SNX25: variants seen among roughly 807,000 people sequenced by gnomAD.
SNX25 encodes sorting nexin-25.
In SNX25, 62 loss-of-function variants were observed where a neutral mutation model predicts 113.7. That is an observed-to-expected ratio of 0.55 (90% CI 0.44 to 0.67). The LOEUF (loss-of-function observed/expected upper bound fraction) is 0.67, where lower values mean the gene tolerates loss of function less well. Among genes scored for constraint, SNX25 ranks in the 30% least tolerant of loss-of-function variants. The pLI, the probability that SNX25 is intolerant of heterozygous loss-of-function variation, is 0.00. For synonymous variants in SNX25, 421 were observed against 436.2 expected (o/e 0.97, Z 0.43); for missense variants, 1,014 against 1,161.0 (o/e 0.87, Z 1.84).
chr4:185,252,042 G>A (rs990879075), intron 2 of SNX25, among the ~76,000 whole-genome samples: 1 of 151,710 alleles, frequency 6.6e-6, no homozygotes, highest in Non-Finnish European at 1.5e-5. Flanking sequence ...GGTTTTCAGG[G>A]AAAAGCTGCT....
chr4:185,244,788 TA>T (rs927271773), intron 1 of SNX25, among the ~76,000 whole-genome samples: 2 of 151,986 alleles, frequency 1.3e-5, no homozygotes, highest in East Asian at 1.9e-4. Flanking sequence ...CTTAAGGTTT[TA>T]AAAAAAAATT....
At chr4:185,312,151 G>T (rs1260381723) in intron 7 of SNX25, among the ~76,000 whole-genome samples, 1 of 152,042 alleles carries the variant, frequency 6.6e-6, no homozygotes, top group African/African-American at 2.4e-5. Context: ...TTTGTCTTAT[G>T]TCCCATTCAT....
At chr4:185,322,979 G>A (rs1268474045) in intron 8 of SNX25, among the ~76,000 whole-genome samples, 1 of 152,174 alleles carries the variant, frequency 6.6e-6, no homozygotes, top group Non-Finnish European at 1.5e-5. Flanking sequence ...CCAAAGAGAT[G>A]TTTTGCATTT....
intron 9 of SNX25, among the ~76,000 whole-genome samples, chr4:185,327,465 T>A (rs2095164581): frequency 6.6e-6 from 1 of 152,236 alleles, no homozygotes; most frequent in Non-Finnish European, 1.5e-5. Context: ...ACTTTCTCAT[T>A]TGTTGTAAAC....
chr4:185,239,408 A>G (rs374004982), intron 1 of SNX25, among the ~76,000 whole-genome samples: 1,612 of 152,242 alleles, frequency 0.011, 38 homozygotes, highest in Admixed American at 0.048. Context: ...GCTTGAACCC[A>G]GGACGCGGAG....
intron 5 of SNX25, among the ~76,000 whole-genome samples, chr4:185,275,206 A>G (rs1050429767): frequency 3.3e-5 from 5 of 152,188 alleles, no homozygotes; most frequent in African/African-American, 1.2e-4. Context: ...TCGATGTTTC[A>G]GTTCTGGATT....
At chr4:185,217,506 T>A (rs1739063546) in intron 1 of SNX25, among the ~76,000 whole-genome samples, 1 of 152,168 alleles carries the variant, frequency 6.6e-6, no homozygotes, top group Non-Finnish European at 1.5e-5. Flanking sequence ...CCTAGGAAAG[T>A]CTTCCAAGTT....
At chr4:185,283,999 A>G (rs1751005144) in intron 5 of SNX25, among the ~76,000 whole-genome samples, 1 of 152,206 alleles carries the variant, frequency 6.6e-6, no homozygotes, top group African/African-American at 2.4e-5. Context: ...AATTGTTCAG[A>G]ATATTATTTT....
At chr4:185,338,592 A>G (rs950612708) in intron 10 of SNX25, among the ~76,000 whole-genome samples, 1 of 151,998 alleles carries the variant, frequency 6.6e-6, no homozygotes, top group Non-Finnish European at 1.5e-5. Context: ...ACGGCACCCT[A>G]TATTCTGTAA....
chr4:185,339,438 G>A lies in SNX25; in HGVS notation c.1974G>A (p.Gln658=). ...TAGAGAAAGAACGCACAGACCTTCA[G>A]CTGCACATGGCAAGAACGGATTGGT... ...ILIEKERTDL[Q]LHMARTDWWC... Residue 658 remains glutamine, a synonymous_variant, in exon 11 of 19, where the codon CAG becomes CAA. Transcript: ENST00000652585. The A allele has an allele frequency of 6.2e-7, 1 of 1,614,128 alleles. No individual in the cohort carries two copies.
chr4:185,377,882 T>C, the SNX25 span: 5 of 524,422 alleles, frequency 9.5e-6, no homozygotes, highest in South Asian at 1.4e-4. Context: ...GACCTAACTA[T>C]CTGTGAGACC....
chr4:185,239,890 T>A lies in SNX25; in HGVS notation c.430-7404T>A, dbSNP rs568397240. Reference sequence around the variant, plus strand: ...AGATAAGTGAACAAAGGTCTCTGGTTTTCCTAGGCAGAGGACCCTGCGGCC... The same window carrying A: ...AGATAAGTGAACAAAGGTCTCTGGTATTCCTAGGCAGAGGACCCTGCGGCC... On this transcript the variant is annotated intron_variant, in intron 1 of 18. Coordinates refer to ENST00000652585, the MANE Select transcript of SNX25 (RefSeq NM_001378034.2). Among the ~76,000 whole-genome samples the A allele has an allele frequency of 9.6e-4, 144 of 149,854 alleles. 1 individual carries two copies. Among genetic ancestry groups the A allele is most frequent in the East Asian group, 8.0e-3 (41 of 5,102 alleles).
downstream of SNX25, among the ~76,000 whole-genome samples, chr4:185,373,928 C>G (rs551187634): frequency 2.0e-5 from 3 of 152,122 alleles, no homozygotes. Flanking sequence ...AAAATACTCT[C>G]ACATTCATGG....
At chr4:185,342,987 T>C (rs2126727278) in intron 12 of SNX25, among the ~76,000 whole-genome samples, 2 of 152,236 alleles carry the variant, frequency 1.3e-5, no homozygotes, top group Admixed American at 1.3e-4. Context: ...GCCTCCCAGG[T>C]TCAAGCGATT....
At chr4:185,341,763 T>C (rs2095261005) in intron 11 of SNX25, among the ~76,000 whole-genome samples, 1 of 152,212 alleles carries the variant, frequency 6.6e-6, no homozygotes, top group East Asian at 1.9e-4. Flanking sequence ...TGCTTTTAGG[T>C]TAGGCCCACC....
intron 1 of SNX25, among the ~76,000 whole-genome samples, chr4:185,233,577 A>G (rs574379227): frequency 1.3e-5 from 2 of 152,260 alleles, no homozygotes; most frequent in South Asian, 4.1e-4. Context: ...ACCTTTTTCT[A>G]AGCCAGTTTG....
intron 6 of SNX25, among the ~76,000 whole-genome samples, chr4:185,293,919 A>G (rs1037174321): frequency 6.6e-6 from 1 of 152,214 alleles, no homozygotes; most frequent in Non-Finnish European, 1.5e-5. Flanking sequence ...AAACTTTAAA[A>G]AATATCTTTG....
chr4:185,323,589 T>A lies in SNX25; in HGVS notation c.1538T>A (p.Ile513Lys). The change falls in exon 9 of 19, where the codon ATA becomes AAA. Residue 513 changes from isoleucine to lysine, a missense_variant. Physicochemically the swap from Ile to Lys is moderately radical, Grantham distance 102. Transcript: ENST00000652585. Reference protein sequence around the residue: ...YQNFFVESKEISVEKSLYKEI... With the variant: ...YQNFFVESKEKSVEKSLYKEI... The stretch of plus-strand genomic sequence containing the variant: ...AATTTCTTTGTGGAGAGCAAAGAAA[T>A]ATCTGTGGAAAAATCACTTTACAAA... 6.2e-7 allele frequency: 1 copy of A among 1,613,266 alleles called. No homozygotes were observed. Among genetic ancestry groups the A allele is most frequent in the Non-Finnish European group, 8.5e-7 (1 of 1,179,450 alleles).
intron 1 of SNX25, among the ~76,000 whole-genome samples, chr4:185,218,840 C>G (rs891628373): frequency 7.2e-5 from 11 of 152,020 alleles, no homozygotes; most frequent in African/African-American, 2.7e-4. Flanking sequence ...TTCTGTAGTT[C>G]TCACCCACCT....
Sources: allele counts gnomAD v4.1 joint callset (sites outside exome capture counted in the v4.1 genomes callset), GRCh38; gene constraint gnomAD v4.1.1; transcripts MANE v1.5; gene names NCBI Gene and HGNC (gene_info 2026-07-23, HGNC 2026-07-21).